KCNT2: variants seen among roughly 807,000 people sequenced by gnomAD.
KCNT2 encodes the protein potassium sodium-activated channel subfamily T member 2.
Under a neutral mutation model 153.8 loss-of-function variants are expected in KCNT2, and 67 were observed. The ratio of observed to expected loss-of-function variants is 0.44; its 90% CI spans 0.36 to 0.53. KCNT2 has a LOEUF of 0.53. KCNT2 is among the 20% of genes least tolerant of loss of function. The pLI is 0.00. For missense variants in KCNT2, 975 were observed against 1,354.8 expected, an observed-to-expected ratio of 0.72 and a Z score of 4.40; for synonymous variants, 500 against 458.8, an observed-to-expected ratio of 1.09 and a Z score of -1.15.
At chr1:196,249,442 A>G (rs1178735113) in intron 26 of KCNT2, among the ~76,000 whole-genome samples, 1 of 152,176 alleles carries the variant, frequency 6.6e-6, no homozygotes, top group Non-Finnish European at 1.5e-5. Context: ...GAACTGATAA[A>G]CAAATTCAGT....
intron 26 of KCNT2, among the ~76,000 whole-genome samples, chr1:196,246,908 A>G (rs1003243240): frequency 7.9e-5 from 12 of 152,084 alleles, no homozygotes; most frequent in African/African-American, 2.9e-4. Context: ...AAATAAATAA[A>G]TAAATGTCGG....
chr1:196,518,007 C>A (rs762982127), intron 1 of KCNT2, among the ~76,000 whole-genome samples: 3 of 152,080 alleles, frequency 2.0e-5, no homozygotes, highest in Non-Finnish European at 4.4e-5. Flanking sequence ...TTAAAGGCAG[C>A]TAGAGAGAAA....
chr1:196,386,101 A>G (rs1669957145), intron 13 of KCNT2, among the ~76,000 whole-genome samples: 1 of 152,168 alleles, frequency 6.6e-6, no homozygotes. Flanking sequence ...AAAGGTCCAC[A>G]TGTAAGAAAC....
At chr1:196,515,356 A>G (rs1216164302) in intron 1 of KCNT2, among the ~76,000 whole-genome samples, 1 of 152,214 alleles carries the variant, frequency 6.6e-6, no homozygotes, top group Non-Finnish European at 1.5e-5. Flanking sequence ...TGCACTATAT[A>G]AAATAGATGA....
Position 196,372,767 on chromosome 1 carries a change from G to A in KCNT2, c.1403+373C>T, listed in dbSNP as rs570801326. 2.0e-4 allele frequency among the ~76,000 whole-genome samples: 30 copies of A among 151,890 alleles called. No individual in the cohort carries two copies. The South Asian group carries it at 6.0e-3, about 30-fold the overall frequency. ...CAGGAACAGAAAAATTTGACTTTAAGTTCTTATACTAATAACTGTGAGAAT... is the reference window on the plus strand; with the variant it reads ...CAGGAACAGAAAAATTTGACTTTAAATTCTTATACTAATAACTGTGAGAAT... On this transcript the variant is annotated intron_variant, in intron 14 of 27. Transcript: ENST00000294725.
chr1:196,483,509 G>A (rs1328521706), intron 3 of KCNT2, among the ~76,000 whole-genome samples: 4 of 152,078 alleles, frequency 2.6e-5, no homozygotes, highest in East Asian at 3.9e-4. Flanking sequence ...TTGCACTTCC[G>A]TTAGAATAAA....
intron 26 of KCNT2, among the ~76,000 whole-genome samples, chr1:196,244,000 TCAGC>T (rs1655194165): frequency 2.0e-5 from 3 of 151,854 alleles, no homozygotes; most frequent in Non-Finnish European, 1.5e-5. Flanking sequence ...GGATACCAGC[TCAGC>T]CATAGTATGA....
chr1:196,376,914 C>A (rs1669015290), intron 13 of KCNT2, among the ~76,000 whole-genome samples: 1 of 151,878 alleles, frequency 6.6e-6, no homozygotes, highest in Admixed American at 6.6e-5. Context: ...CCATGACATT[C>A]AAGCAGGCTA....
At chr1:196,436,753 T>C (rs1674697771) in intron 8 of KCNT2, among the ~76,000 whole-genome samples, 1 of 150,878 alleles carries the variant, frequency 6.6e-6, no homozygotes, top group Non-Finnish European at 1.5e-5. Flanking sequence ...ATAAATTAAA[T>C]ACAAAATGTA....
intron 1 of KCNT2, among the ~76,000 whole-genome samples, chr1:196,499,802 AATTT>A (rs1201756401): frequency 6.6e-6 from 1 of 152,136 alleles, no homozygotes; most frequent in Admixed American, 6.5e-5. Context: ...TACTATTATT[AATTT>A]ATTTGATTTT....
intron 8 of KCNT2, among the ~76,000 whole-genome samples, chr1:196,442,321 G>A (rs1675306435): frequency 6.6e-6 from 1 of 151,700 alleles, no homozygotes; most frequent in African/African-American, 2.4e-5. Context: ...TTCTTCTCCT[G>A]AAAAATGTGA....
At chr1:196,281,551 G>A (rs1440485355) in intron 24 of KCNT2, among the ~76,000 whole-genome samples, 1 of 152,008 alleles carries the variant, frequency 6.6e-6, no homozygotes, top group African/African-American at 2.4e-5. Flanking sequence ...AATAAGCATC[G>A]TGATACCAGA....
At chr1:196,290,481 T>C (rs1660082096) in intron 22 of KCNT2, among the ~76,000 whole-genome samples, 1 of 151,948 alleles carries the variant, frequency 6.6e-6, no homozygotes, top group African/African-American at 2.4e-5. Context: ...TCTTAAGGCT[T>C]TACAATTATA....
chr1:196,571,794 A>G (rs2148952157), intron 1 of KCNT2, among the ~76,000 whole-genome samples: 1 of 152,214 alleles, frequency 6.6e-6, no homozygotes, highest in South Asian at 2.1e-4. Context: ...TCAGTAGAGA[A>G]TGAGGTGTGT....
chr1:196,369,205 G>T (rs1367615884), intron 14 of KCNT2, among the ~76,000 whole-genome samples: 1 of 152,132 alleles, frequency 6.6e-6, no homozygotes, highest in African/African-American at 2.4e-5. Context: ...AATGTAATCA[G>T]GATGGGCCAG....
At chr1:196,314,773 T>C (rs755974813) in intron 21 of KCNT2, among the ~76,000 whole-genome samples, 13 of 151,846 alleles carry the variant, frequency 8.6e-5, no homozygotes, top group Non-Finnish European at 1.5e-4. Flanking sequence ...TAAAGTTTGC[T>C]GCTGTATAGT....
intron 22 of KCNT2, among the ~76,000 whole-genome samples, chr1:196,286,764 A>C (rs1298287000): frequency 6.6e-6 from 1 of 151,874 alleles, no homozygotes; most frequent in African/African-American, 2.4e-5. Flanking sequence ...TCCTTTAATA[A>C]ATGAAGGTAA....
intron 14 of KCNT2, 147 bp downstream of exon 14, chr1:196,372,993 C>T (rs1668661151): frequency 2.0e-6 from 1 of 512,250 alleles, no homozygotes; most frequent in Admixed American, 4.0e-5. Flanking sequence ...CTTTATTTAT[C>T]TACCAGATAA....
intron 22 of KCNT2, among the ~76,000 whole-genome samples, chr1:196,295,244 C>T (rs1263915827): frequency 6.6e-6 from 1 of 151,668 alleles, no homozygotes; most frequent in Non-Finnish European, 1.5e-5. Context: ...AACATTTGTA[C>T]TTTTTAAAAT....
Sources: allele counts gnomAD v4.1 joint callset (sites outside exome capture counted in the v4.1 genomes callset), GRCh38; gene constraint gnomAD v4.1.1; transcripts MANE v1.5; gene names NCBI Gene and HGNC (gene_info 2026-07-23, HGNC 2026-07-21).